SCLT1: variants seen among roughly 807,000 people sequenced by gnomAD.
SCLT1 encodes sodium channel-associated protein 1.
SCLT1 carries 78 observed loss-of-function variants against 112.8 expected under a neutral mutation model. The ratio of observed to expected loss-of-function variants is 0.69; its 90% CI spans 0.58 to 0.83. SCLT1 has a LOEUF of 0.83. Ranked by LOEUF, SCLT1 falls within the 40% of genes least tolerant of loss-of-function variation. SCLT1 has a pLI of 0.00. For synonymous variants in SCLT1, 257 were observed against 254.7 expected, an observed-to-expected ratio of 1.01 and a Z score of -0.09; for missense variants, 747 against 770.4, an observed-to-expected ratio of 0.97 and a Z score of 0.36.
intron 5 of SCLT1, chr4:129,037,167 A>G (rs1162250309): frequency 6.6e-6 from 1 of 151,456 alleles, no homozygotes; most frequent in African/African-American, 2.4e-5. Context: ...AAAAAAAAAG[A>G]AAAAAAAATT....
chr4:129,030,455 T>C (rs1746604683), intron 5 of SCLT1, among the ~76,000 whole-genome samples: 1 of 151,928 alleles, frequency 6.6e-6, no homozygotes, highest in South Asian at 2.1e-4. Flanking sequence ...AATGAATAAC[T>C]AAGATCAGAG....
intron 18 of SCLT1, among the ~76,000 whole-genome samples, chr4:128,927,523 C>T (rs1036610356): frequency 6.6e-6 from 1 of 151,042 alleles, no homozygotes; most frequent in Non-Finnish European, 1.5e-5. Flanking sequence ...TGCAGTGAGC[C>T]GAGATTGTGC....
rs1243894815 is a variant in SCLT1 at position 128,884,217 on chromosome 4, A to C, written c.*260T>G. ...TCAAGGGAAAAAGGAGGAATTAAAA[A>C]ACAGACACATTGATGAAGGCAATGA... On this transcript the variant is annotated 3_prime_UTR_variant, in exon 21 of 21. Coordinates refer to ENST00000281142, the MANE Select transcript of SCLT1 (RefSeq NM_144643.4). The C allele has an allele frequency of 1.6e-5, 5 of 321,808 alleles. No individual in the cohort carries two copies. Among genetic ancestry groups the C allele is most frequent in the Non-Finnish European group, 2.8e-5 (5 of 178,636 alleles). The allele number at this position is 321,808 out of a possible 1,614,324, so 19.9% of individuals were successfully genotyped here.
At chr4:128,883,225 C>T (rs1374539215), downstream of SCLT1, among the ~76,000 whole-genome samples, 1 of 145,798 alleles carries the variant, frequency 6.9e-6, no homozygotes, top group African/African-American at 2.6e-5. Context: ...TATATATTGA[C>T]AGAAGTAAAA....
At chr4:129,050,415 T>C (rs1748668349) in intron 2 of SCLT1, among the ~76,000 whole-genome samples, 2 of 152,206 alleles carry the variant, frequency 1.3e-5, no homozygotes. Context: ...CTTGACTTTT[T>C]AATGATCGCC....
At chr4:128,878,487 C>A (rs1359017699) in intron 3 of SCLT1, among the ~76,000 whole-genome samples, 1 of 152,114 alleles carries the variant, frequency 6.6e-6, no homozygotes, top group Non-Finnish European at 1.5e-5. Context: ...TTTTTCCCAC[C>A]AACTTTGGCT....
chr4:129,072,270 G>C (rs1269373666), intron 2 of SCLT1, among the ~76,000 whole-genome samples: 3 of 152,100 alleles, frequency 2.0e-5, no homozygotes. Context: ...TGGATAACCT[G>C]ATGACAATGT....
intron 2 of SCLT1, among the ~76,000 whole-genome samples, chr4:129,068,546 T>C (rs1204341142): frequency 6.6e-6 from 1 of 152,202 alleles, no homozygotes; most frequent in Non-Finnish European, 1.5e-5. Flanking sequence ...TATATGTATA[T>C]GTTTGTTGGC....
At chr4:128,931,437 T>G (rs899934475) in intron 18 of SCLT1, among the ~76,000 whole-genome samples, 1 of 152,176 alleles carries the variant, frequency 6.6e-6, no homozygotes, top group East Asian at 1.9e-4. Flanking sequence ...TATATTTCAT[T>G]ATATAAACAT....
chr4:128,899,353 T>C (rs1033132594), intron 18 of SCLT1, among the ~76,000 whole-genome samples: 9 of 152,224 alleles, frequency 5.9e-5, no homozygotes, highest in Non-Finnish European at 1.3e-4. Flanking sequence ...ATCCCTGGGA[T>C]GCCAGGCTGG....
intron 5 of SCLT1, among the ~76,000 whole-genome samples, chr4:129,015,086 G>T (rs970305183): frequency 6.6e-6 from 1 of 152,130 alleles, no homozygotes; most frequent in South Asian, 2.1e-4. Context: ...TGGAGTGCTG[G>T]CAGGGTGGGA....
chr4:128,940,716 G>C (rs1478558641), intron 17 of SCLT1, among the ~76,000 whole-genome samples: 1 of 151,666 alleles, frequency 6.6e-6, no homozygotes, highest in Non-Finnish European at 1.5e-5. Flanking sequence ...AGTATTATCT[G>C]AGTTTTGGGA....
chr4:128,956,941 A>G (rs1739269197), intron 13 of SCLT1, 85 bp downstream of exon 13: 1 of 726,406 alleles, frequency 1.4e-6, no homozygotes, highest in East Asian at 2.8e-5. Context: ...AAGTATTTTA[A>G]TTTTAATTTA....
At chr4:129,005,332 T>C (rs940556284) in intron 5 of SCLT1, among the ~76,000 whole-genome samples, 2 of 152,210 alleles carry the variant, frequency 1.3e-5, no homozygotes, top group African/African-American at 4.8e-5. Flanking sequence ...TAATATTTAG[T>C]ACACTGTACT....
intron 18 of SCLT1, among the ~76,000 whole-genome samples, chr4:128,932,164 A>T (rs1377718189): frequency 6.6e-6 from 1 of 152,142 alleles, no homozygotes; most frequent in Non-Finnish European, 1.5e-5. Flanking sequence ...ACAATAATAG[A>T]TTTGTCTGTA....
intron 5 of SCLT1, among the ~76,000 whole-genome samples, chr4:129,028,681 T>C (rs1746381322): frequency 6.6e-6 from 1 of 152,056 alleles, no homozygotes. Context: ...ACAAATGGCA[T>C]CTAATTAAAC....
At chr4:129,022,131 A>T (rs1036817958) in intron 5 of SCLT1, among the ~76,000 whole-genome samples, 4 of 152,212 alleles carry the variant, frequency 2.6e-5, no homozygotes, top group Non-Finnish European at 2.9e-5. Flanking sequence ...AAAAAGCCCC[A>T]TCCAAAGCTC....
chr4:128,896,868 C>G (rs909832888), intron 18 of SCLT1, among the ~76,000 whole-genome samples: 33 of 151,774 alleles, frequency 2.2e-4, no homozygotes, highest in Non-Finnish European at 3.7e-4. Flanking sequence ...CGAGAACTAC[C>G]TGACGAATGC....
At chr4:128,899,386 A>G (rs143677648) in intron 18 of SCLT1, among the ~76,000 whole-genome samples, 2,022 of 152,334 alleles carry the variant, frequency 0.013, 46 homozygotes, top group African/African-American at 0.047. Flanking sequence ...AAATCGATAA[A>G]CATAATCCAG....
Sources: allele counts gnomAD v4.1 joint callset (sites outside exome capture counted in the v4.1 genomes callset), GRCh38; gene constraint gnomAD v4.1.1; transcripts MANE v1.5; gene names NCBI Gene and HGNC (gene_info 2026-07-23, HGNC 2026-07-21).